GIGYF1: variants seen among roughly 807,000 people sequenced by gnomAD.
GIGYF1 encodes the protein GRB10-interacting GYF protein 1.
A neutral mutation model predicts 147.1 loss-of-function variants in GIGYF1; 84 were observed. The observed-to-expected ratio is 0.57, with a 90% CI of 0.48 to 0.68. The LOEUF (loss-of-function observed/expected upper bound fraction) is 0.68. Ranked by LOEUF, GIGYF1 falls within the 30% of genes least tolerant of loss-of-function variation. The pLI, the probability that GIGYF1 is intolerant of heterozygous loss-of-function variation, is 0.00. For synonymous variants in GIGYF1, 752 were observed against 589.5 expected (o/e 1.28, Z -3.99); for missense variants, 1,485 against 1,393.7 (o/e 1.07, Z -1.04).
Position 100,681,984 on chromosome 7 carries a change from G to A in GIGYF1, c.2935C>T (p.Leu979=), listed in dbSNP as rs767424516. ...GCCGTCTGCAGCGAGGCGCTGCTCA[G>A]CCATGCCTCCTAAGGCAGCGGAGAG... ...QQRQQQQEAW[L]SSASLQTAFQ... Residue 979 remains leucine, a synonymous_variant, in exon 26 of 27, where the codon CTG becomes TTG. Transcript: ENST00000678049. 12 of 1,609,112 alleles carry A rather than the reference G, an allele frequency of 7.5e-6. No individual in the cohort carries two copies. Among genetic ancestry groups the A allele is most frequent in the Middle Eastern group, 1.7e-4 (1 of 6,020 alleles).
rs952953037 is a variant in GIGYF1 at position 100,684,733 on chromosome 7, G to A, written c.1452C>T (p.Gly484=). 6.8e-6 allele frequency: 11 copies of A among 1,611,788 alleles called. No homozygotes were observed. Among genetic ancestry groups the A allele is most frequent in the African/African-American group, 1.3e-5 (1 of 74,898 alleles). ...ARKWFYKDPQ[G]EIQGPFTTQE... The stretch of plus-strand genomic sequence containing the variant: ...ATCCCACACAGGTACCTTGGATCTC[G>A]CCCTGTGGGTCCTTGTAGAACCACT... Residue 484 remains glycine, a synonymous_variant, in exon 15 of 27, where the codon GGC becomes GGT. Coordinates refer to ENST00000678049, the MANE Select transcript of GIGYF1 (RefSeq NM_001375765.1).
chr7:100,684,083 G>T lies in GIGYF1; in HGVS notation c.1805C>A (p.Pro602Gln), dbSNP rs1430772064. ...CGTGAGCTGCTGCTGCTGCTGCTGT[G>T]GCGGCGGCGGTGGTGGCGGTGTCAG... is the stretch of plus-strand genomic sequence containing the variant. ...GDLTPPPPPP[P>Q]QQQQQQLTAF... Residue 602 changes from proline to glutamine, a missense_variant, in exon 18 of 27, where the codon CCA (proline) becomes CAA (glutamine). Transcript: ENST00000678049. 1 of 1,606,670 alleles carries T rather than the reference G, an allele frequency of 6.2e-7. No homozygotes were observed. The highest frequency in any genetic ancestry group is 2.2e-5 in the East Asian group (1 of 44,840).
chr7:100,684,097 T>TGGC lies in GIGYF1; in HGVS notation c.1788_1790dup (p.Pro602dup). 1.9e-6 allele frequency: 3 copies of TGGC among 1,605,594 alleles called. No individual in the cohort carries two copies. Among genetic ancestry groups the TGGC allele is most frequent in the South Asian group, 1.1e-5 (1 of 90,904 alleles). ...GCTGCTGCTGTGGCGGCGGCGGTGG[T>TGGC]GGCGGTGTCAGGTCCCCCAGAGCTG... On this transcript the variant is annotated inframe_insertion, in exon 18 of 27. Transcript: ENST00000678049.
chr7:100,687,989 C>T lies in GIGYF1; in HGVS notation c.157G>A (p.Glu53Lys). Residue 53 changes from glutamate (E) to lysine (K), a missense_variant, in exon 5 of 27, where the codon GAG becomes AAG. Glu to Lys is a moderately conservative substitution (Grantham distance 56). Coordinates refer to ENST00000678049, the MANE Select transcript of GIGYF1 (RefSeq NM_001375765.1). ...REEMLALYVK[E>K]NKVPEELQDK... ...CTCGCCCACGCACCCACCTTGTTCTCCTTGACGTAGAGAGCCAGCATTTCC... is the reference window on the plus strand; with the variant it reads ...CTCGCCCACGCACCCACCTTGTTCTTCTTGACGTAGAGAGCCAGCATTTCC... The T allele has an allele frequency of 1.2e-6, 2 of 1,612,572 alleles. No individual in the cohort carries two copies. Among genetic ancestry groups the T allele is most frequent in the Non-Finnish European group, 1.7e-6 (2 of 1,178,990 alleles).
rs776564407 is a variant in GIGYF1 at position 100,686,288 on chromosome 7, C to T, written c.840G>A (p.Ala280=). The T allele has an allele frequency of 8.1e-6, 13 of 1,614,010 alleles. No individual in the cohort carries two copies. The highest frequency in any genetic ancestry group is 3.3e-5 in the Admixed American group (2 of 60,014). Residue 280 remains alanine (A), a synonymous_variant, in exon 11 of 27, where the codon GCG becomes GCA. Coordinates refer to ENST00000678049, the MANE Select transcript of GIGYF1 (RefSeq NM_001375765.1). ...GGSSHLRRCR[A]PEGFEEDKDG... ...CCTTGTCCTCCTCAAAGCCTTCAGG[C>T]GCTCGGCACCGCCGCAGGTGAGAGC...
chr7:100,686,828 C>G lies in GIGYF1; in HGVS notation c.524-9G>C. The G allele has an allele frequency of 4.3e-6, 7 of 1,613,256 alleles. No homozygotes were observed. Among genetic ancestry groups the G allele is most frequent in the Non-Finnish European group, 5.1e-6 (6 of 1,179,594 alleles). ...CTCAAAGCCACATCGTGCTGGGAGA[C>G]GGGAAGACAGGGGCAGTTATTAGAA... On this transcript the variant is annotated splice_polypyrimidine_tract_variant and intron_variant, in intron 9 of 26. Coordinates refer to ENST00000678049, the MANE Select transcript of GIGYF1 (RefSeq NM_001375765.1).
chr7:100,684,409 CCT>C, intron 16 of GIGYF1, 39 bp downstream of exon 16: 3 of 1,608,770 alleles, frequency 1.9e-6, no homozygotes, highest in African/African-American at 2.7e-5. Context: ...TGCCGGCACC[CCT>C]CACACCCTGT....
Position 100,683,082 on chromosome 7 carries a change from C to T in GIGYF1, c.2342G>A (p.Gly781Asp), listed in dbSNP as rs1275344315. 3.2e-6 allele frequency: 5 copies of T among 1,584,770 alleles called. No individual in the cohort carries two copies. Among genetic ancestry groups the T allele is most frequent in the East Asian group, 4.5e-5 (2 of 44,090 alleles). Reference sequence around the variant, plus strand: ...GGGCTGTTTGTGCAGCTGCCGCTCGCCCTCCAGCTGCAACTCCAGGAGCGT... The same window carrying T: ...GGGCTGTTTGTGCAGCTGCCGCTCGTCCTCCAGCTGCAACTCCAGGAGCGT... ...MKTLLELQLE[G>D]ERQLHKQPPP... Residue 781 changes from glycine (G) to aspartate (D), a missense_variant, in exon 22 of 27, where the codon GGC becomes GAC. Transcript: ENST00000678049.
At position 100,681,783 on chromosome 7, in the gene GIGYF1, G is replaced by A. The variant is rs373650190; in HGVS notation, c.3056-12C>T. The A allele has an allele frequency of 4.4e-6, 7 of 1,589,936 alleles. No individual in the cohort carries two copies. The Admixed American group carries it at 5.2e-5, about 12-fold the overall frequency. ...GTGCAGGGAGTACCCTGAAGCCGGG[G>A]AGAAGCTGCGTCTGAGCTCTCTCCT... On this transcript the variant is annotated splice_polypyrimidine_tract_variant and intron_variant, in intron 26 of 26. Coordinates refer to ENST00000678049, the MANE Select transcript of GIGYF1 (RefSeq NM_001375765.1).
chr7:100,685,917 A>G, intron 12 of GIGYF1, 57 bp downstream of exon 12: 1 of 1,457,498 alleles, frequency 6.9e-7, no homozygotes, highest in Non-Finnish European at 9.5e-7. Context: ...AGCCCGGCAA[A>G]GAACACCAGT....
intron 1 of GIGYF1, among the ~76,000 whole-genome samples, chr7:100,691,459 G>A (rs1221616423): frequency 6.6e-6 from 1 of 151,834 alleles, no homozygotes; most frequent in Admixed American, 6.6e-5. Flanking sequence ...TGTCCCACGA[G>A]GGAAATCTGA....
rs765162625 is a variant in GIGYF1, at chr7:100,685,964, C to G, written c.1054+10G>C. On this transcript the variant is annotated intron_variant, in intron 12 of 26. Transcript: ENST00000678049. Reference sequence around the variant, plus strand: ...CCAGCCCCAGGCCCGCTGGGCACCCCGCGGCTCACCTGCCTCAGGCCCTTC... The same window carrying G: ...CCAGCCCCAGGCCCGCTGGGCACCCGGCGGCTCACCTGCCTCAGGCCCTTC... The G allele has an allele frequency of 3.1e-6, 5 of 1,609,938 alleles. No homozygotes were observed.
rs1804762963 is a variant in GIGYF1, at chr7:100,681,541, T to A, written c.*178A>T. 7 of 440,250 alleles carry A rather than the reference T, an allele frequency of 1.6e-5. No homozygotes were observed. In the East Asian group the frequency reaches 2.4e-4, roughly 15 times the overall value. The allele number at this position is 440,250 out of a possible 1,614,324, so 27.3% of individuals were successfully genotyped here. The stretch of plus-strand genomic sequence containing the variant: ...TAAAAAGAAAAACCCCCTCCCCCAG[T>A]CTGTAAAGTGCCTCGTGGTGGGTGA... On this transcript the variant is annotated 3_prime_UTR_variant, in exon 27 of 27. Transcript: ENST00000678049.
Position 100,684,062 on chromosome 7 carries a change from A to AGCTGCTGCT in GIGYF1, c.1817_1825dup (p.Gln606_Gln608dup). 1.9e-6 allele frequency: 3 copies of AGCTGCTGCT among 1,596,558 alleles called. No homozygotes were observed. Among genetic ancestry groups the AGCTGCTGCT allele is most frequent in the South Asian group, 1.1e-5 (1 of 90,548 alleles). On this transcript the variant is annotated inframe_insertion, in exon 18 of 27. Transcript: ENST00000678049. Reference sequence around the variant, plus strand: ...CTGGAGCTGCTGCAGGAATGCCGTGAGCTGCTGCTGCTGCTGCTGTGGCGG... The same window carrying AGCTGCTGCT: ...CTGGAGCTGCTGCAGGAATGCCGTGAGCTGCTGCTGCTGCTGCTGCTGCTGCTGTGGCGG...
At position 100,681,688 on chromosome 7, in the gene GIGYF1, C is replaced by T. The variant is rs199837245; in HGVS notation, c.*31G>A. On this transcript the variant is annotated 3_prime_UTR_variant, in exon 27 of 27. Transcript: ENST00000678049. ...TCCACGCCGCTGTGGCTGCCCTGGC[C>T]TACAGCCCAGGGGCTGGGGGTCCGG... 639 of 1,521,910 alleles carry T rather than the reference C, an allele frequency of 4.2e-4. 1 individual carries two copies. In the African/African-American group the frequency reaches 8.1e-3, roughly 19 times the overall value. The allele number at this position is 1,521,910 out of a possible 1,614,324, so 94.3% of individuals were successfully genotyped here.
At position 100,688,657 on chromosome 7, in the gene GIGYF1, C is replaced by G; in HGVS notation, c.-200G>C. The G allele has an allele frequency of 2.4e-6, 1 of 409,224 alleles. No homozygotes were observed. The highest frequency in any genetic ancestry group is 4.8e-6 in the Non-Finnish European group (1 of 207,090). 25.3% of individuals were successfully genotyped at this position (409,224 alleles called of 1,614,324 possible). ...GCTGGAGTGAACGAGGGTACCCAAG[C>G]CACTGGGAATTGGTCTGACCTCAGT... On this transcript the variant is annotated 5_prime_UTR_variant, in exon 2 of 27. Transcript: ENST00000678049.
At chr7:100,692,552 C>T (rs1327022887) in intron 1 of GIGYF1, among the ~76,000 whole-genome samples, 3 of 152,246 alleles carry the variant, frequency 2.0e-5, no homozygotes, top group Non-Finnish European at 4.4e-5. Context: ...GCCTCCTCCT[C>T]TCATCTTCTC....
Position 100,683,039 on chromosome 7 carries a change from A to G in GIGYF1, c.2385T>C (p.Ala795=). 1 of 1,557,304 alleles carries G rather than the reference A, an allele frequency of 6.4e-7. No homozygotes were observed. The highest frequency in any genetic ancestry group is 1.8e-5 in the Admixed American group (1 of 54,706). ...CTCGGTGGTTGGGGGCCTGGGCCCGAGCTGGCTCCCGAGGTGGGGGCTGTT... is the reference window on the plus strand; with the variant it reads ...CTCGGTGGTTGGGGGCCTGGGCCCGGGCTGGCTCCCGAGGTGGGGGCTGTT... The part of the protein sequence containing the change: ...LHKQPPPREP[A]RAQAPNHRVQ... The change falls in exon 22 of 27, where the codon GCT becomes GCC. Residue 795 remains alanine (A), a synonymous_variant. Transcript: ENST00000678049.
At position 100,679,987 on chromosome 7, in the gene GIGYF1, G is replaced by C. The variant is rs1020068635; in HGVS notation, c.*1732C>G. ...CCCCCACACCTGGCAAGAGGGAAGGGGAGCTGGGGGCCAGCAGCAGCAAAC... is the reference window on the plus strand; with the variant it reads ...CCCCCACACCTGGCAAGAGGGAAGGCGAGCTGGGGGCCAGCAGCAGCAAAC... On this transcript the variant is annotated 3_prime_UTR_variant, in exon 27 of 27. Transcript: ENST00000678049. The C allele has an allele frequency of 6.6e-6, 1 of 152,606 alleles. No individual in the cohort carries two copies. The highest frequency in any genetic ancestry group is 1.5e-5 in the Non-Finnish European group (1 of 68,164). The allele number at this position is 152,606 out of a possible 1,614,324, so 9.5% of individuals were successfully genotyped here.
Sources: gnomAD v4.1 joint callset for allele counts (sites outside exome capture counted in the v4.1 genomes callset) on GRCh38, gnomAD v4.1.1 for gene constraint, MANE v1.5 for transcripts, NCBI Gene and HGNC (gene_info 2026-07-23, HGNC 2026-07-21) for gene names.